The following AGK variants were observed in gnomAD, a reference collection of about 807,000 sequenced individuals.
AGK encodes acylglycerol kinase, mitochondrial.
A neutral mutation model predicts 66.4 loss-of-function variants in AGK; 52 were observed. That is an observed-to-expected ratio of 0.78 (90% CI 0.63 to 0.99). The LOEUF (loss-of-function observed/expected upper bound fraction) is 0.99, where lower values mean the gene tolerates loss of function less well. Among genes scored for constraint, AGK ranks in the 50% least tolerant of loss-of-function variants. AGK has a pLI of 0.00. For missense variants in AGK, 451 were observed against 506.6 expected (o/e 0.89, Z 1.05); for synonymous variants, 182 against 181.1 (o/e 1.00, Z -0.04).
At chr7:141,629,359 G>A (rs1283599974) in intron 9 of AGK, among the ~76,000 whole-genome samples, 1 of 152,146 alleles carries the variant, frequency 6.6e-6, no homozygotes, top group Non-Finnish European at 1.5e-5. Flanking sequence ...CTCCTTTGCT[G>A]TGAAGATCTG....
chr7:141,653,017 G>C lies in AGK; in HGVS notation c.*93G>C. 6.6e-7 allele frequency: 1 copy of C among 1,517,746 alleles called. No individual in the cohort carries two copies. The highest frequency in any genetic ancestry group is 2.3e-5 in the East Asian group (1 of 44,086). The allele number at this position is 1,517,746 out of a possible 1,614,324, so 94.0% of individuals were successfully genotyped here. A position where few individuals can be genotyped will look rare whatever the true frequency, so the allele number is the denominator to read the frequency against. On this transcript the variant is annotated 3_prime_UTR_variant, in exon 16 of 16. Coordinates refer to ENST00000649286, the MANE Select transcript of AGK (RefSeq NM_018238.4). Reference sequence around the variant, plus strand: ...CTCAGCCATCCCAACAGTGTCGTCAGAGGGTCCCCAGGGCATTTTCATGGC... The same window carrying C: ...CTCAGCCATCCCAACAGTGTCGTCACAGGGTCCCCAGGGCATTTTCATGGC...
chr7:141,590,457 G>A (rs149729379), intron 2 of AGK, among the ~76,000 whole-genome samples: 34 of 152,284 alleles, frequency 2.2e-4, no homozygotes, highest in East Asian at 7.7e-4. Context: ...GTGGCCGGTG[G>A]GAGCACAGTC....
intron 10 of AGK, among the ~76,000 whole-genome samples, chr7:141,634,496 C>T (rs1797128084): frequency 6.6e-6 from 1 of 152,168 alleles, no homozygotes; most frequent in South Asian, 2.1e-4. Flanking sequence ...GAGAAACAGG[C>T]CTATCGAGGA....
At chr7:141,619,202 A>C (rs1796772788) in intron 8 of AGK, among the ~76,000 whole-genome samples, 1 of 152,164 alleles carries the variant, frequency 6.6e-6, no homozygotes, top group Non-Finnish European at 1.5e-5. Flanking sequence ...TTGATTCTAA[A>C]ATTTATATAG....
chr7:141,599,870 C>T (rs1057049870), intron 4 of AGK, among the ~76,000 whole-genome samples: 1 of 151,948 alleles, frequency 6.6e-6, no homozygotes, highest in African/African-American at 2.4e-5. Flanking sequence ...ACACTCAGGC[C>T]CTTGGTTTGA....
chr7:141,608,063 T>C (rs777891696), intron 5 of AGK, among the ~76,000 whole-genome samples: 1 of 152,208 alleles, frequency 6.6e-6, no homozygotes, highest in Non-Finnish European at 1.5e-5. Flanking sequence ...CTAAGCCTTG[T>C]TCTAGGTATT....
chr7:141,604,850 A>T (rs1162253060), intron 5 of AGK, among the ~76,000 whole-genome samples: 1 of 152,038 alleles, frequency 6.6e-6, no homozygotes, highest in Non-Finnish European at 1.5e-5. Flanking sequence ...CAATTGTTCC[A>T]TGAATGCCAT....
intron 4 of AGK, among the ~76,000 whole-genome samples, chr7:141,600,777 G>T (rs1027620601): frequency 6.6e-6 from 1 of 152,188 alleles, no homozygotes; most frequent in Non-Finnish European, 1.5e-5. Context: ...TTTCAGACTA[G>T]CTTCTGGTGA....
Position 141,653,286 on chromosome 7 carries a change from A to G in AGK, c.*362A>G. ...TAGGCCCTTCCATTTCTCTTCTTTGACCGTGCTAGGAATTCCAGGAAAGTG... is the reference window on the plus strand; with the variant it reads ...TAGGCCCTTCCATTTCTCTTCTTTGGCCGTGCTAGGAATTCCAGGAAAGTG... On this transcript the variant is annotated 3_prime_UTR_variant, in exon 16 of 16. Transcript: ENST00000649286. The G allele has an allele frequency of 5.2e-6, 1 of 193,382 alleles. No individual in the cohort carries two copies. Among genetic ancestry groups the G allele is most frequent in the Non-Finnish European group, 1.1e-5 (1 of 91,702 alleles). 12.0% of individuals were successfully genotyped at this position (193,382 alleles called of 1,614,324 possible).
chr7:141,623,143 G>A (rs1796860251), intron 9 of AGK, among the ~76,000 whole-genome samples: 1 of 152,104 alleles, frequency 6.6e-6, no homozygotes, highest in African/African-American at 2.4e-5. Flanking sequence ...AGTTTGGGAG[G>A]CCGAGGTGGG....
chr7:141,575,601 A>G (rs1284792796), intron 2 of AGK, among the ~76,000 whole-genome samples: 1 of 151,666 alleles, frequency 6.6e-6, no homozygotes. Flanking sequence ...CCAATCTGAA[A>G]AACTAAGATT....
intron 9 of AGK, among the ~76,000 whole-genome samples, chr7:141,627,429 G>A (rs553285967): frequency 5.8e-4 from 88 of 152,060 alleles, no homozygotes; most frequent in Non-Finnish European, 1.1e-3. Flanking sequence ...ATTCATTCAC[G>A]TTCCCTGATA....
chr7:141,621,624 G>T, intron 8 of AGK, 108 bp from the exon 9 acceptor site: 2 of 752,272 alleles, frequency 2.7e-6, no homozygotes, highest in South Asian at 1.6e-5. Flanking sequence ...GAGAGAGAAT[G>T]AGAGAGAATA....
chr7:141,644,548 G>A (rs1043066776), intron 13 of AGK, among the ~76,000 whole-genome samples: 12 of 152,092 alleles, frequency 7.9e-5, no homozygotes, highest in Non-Finnish European at 1.5e-4. Context: ...GTGAAAATTA[G>A]GATCTCTTAT....
In AGK at chr7:141,616,853, G is replaced by A. The variant is rs184125796; in HGVS notation, c.518+1288G>A. 5.0e-3 allele frequency among the ~76,000 whole-genome samples: 759 copies of A among 151,406 alleles called. 8 individuals carry two copies. The highest frequency in any genetic ancestry group is 0.018 in the African/African-American group (741 of 41,232). ...GGCTCACTGCAAGCTCCGTCTCCCA[G>A]GTTCACGCCATTCTCTTGCCTCAGC... On this transcript the variant is annotated intron_variant, in intron 8 of 15. Transcript: ENST00000649286.
intron 13 of AGK, among the ~76,000 whole-genome samples, chr7:141,647,108 C>T (rs1354865848): frequency 7.6e-6 from 1 of 131,960 alleles, no homozygotes; most frequent in Non-Finnish European, 1.6e-5. Context: ...GTCCTATTGT[C>T]AGAGCAGATC....
At chr7:141,563,698 A>G (rs1223775786) in intron 2 of AGK, among the ~76,000 whole-genome samples, 1 of 152,202 alleles carries the variant, frequency 6.6e-6, no homozygotes, top group Admixed American at 6.5e-5. Flanking sequence ...ATGGAACTTC[A>G]GTATCCCATT....
chr7:141,640,667 A>G (rs1023535352), intron 11 of AGK, among the ~76,000 whole-genome samples: 1 of 152,120 alleles, frequency 6.6e-6, no homozygotes, highest in African/African-American at 2.4e-5. Flanking sequence ...AAGGGCTGAG[A>G]GGCTGGGGTA....
At chr7:141,582,537 C>T (rs1437079026) in intron 2 of AGK, among the ~76,000 whole-genome samples, 8 of 151,984 alleles carry the variant, frequency 5.3e-5, no homozygotes, top group African/African-American at 1.9e-4. Flanking sequence ...GAGAATAAGA[C>T]AGCCTTCTGA....
Sources: gnomAD v4.1 joint callset for allele counts (sites outside exome capture counted in the v4.1 genomes callset) on GRCh38, gnomAD v4.1.1 for gene constraint, MANE v1.5 for transcripts, NCBI Gene and HGNC (gene_info 2026-07-23, HGNC 2026-07-21) for gene names.